The following SLC25A26 variants were observed in gnomAD, a reference collection of about 807,000 sequenced individuals.
SLC25A26 encodes the protein solute carrier family 25 member 26, also known as mitochondrial S-adenosylmethionine carrier protein.
SLC25A26 carries 36 observed loss-of-function variants against 37.8 expected under a neutral mutation model. The ratio of observed to expected loss-of-function variants is 0.95; its 90% confidence interval spans 0.73 to 1.26. SLC25A26 has a LOEUF of 1.26. Ranked by LOEUF, SLC25A26 falls within the 50% of genes most tolerant of loss-of-function variation. The pLI is 0.00. For missense variants in SLC25A26, 390 were observed against 331.1 expected (o/e 1.18, Z -1.38); for synonymous variants, 129 against 122.5 (o/e 1.05, Z -0.35).
At chr3:66,239,092 T>C (rs1348825857) in intron 2 of SLC25A26, among the ~76,000 whole-genome samples, 1 of 152,238 alleles carries the variant, frequency 6.6e-6, no homozygotes, top group East Asian at 1.9e-4. Flanking sequence ...TGCTCGATTG[T>C]CTGATGTCAT....
intron 5 of SLC25A26, chr3:66,324,037 A>C (rs183453234): frequency 2.4e-4 from 37 of 152,330 alleles, no homozygotes; most frequent in African/African-American, 8.4e-4. Context: ...GGAGGGGTGA[A>C]CTGGCCCAGG....
At chr3:66,267,779 C>T (rs2073811110) in intron 5 of SLC25A26, among the ~76,000 whole-genome samples, 1 of 152,150 alleles carries the variant, frequency 6.6e-6, no homozygotes, top group South Asian at 2.1e-4. Context: ...TCTTTAGGTG[C>T]AAAAATCATC....
intron 6 of SLC25A26, among the ~76,000 whole-genome samples, chr3:66,349,845 CT>C (rs1328359240): frequency 6.6e-6 from 1 of 152,136 alleles, no homozygotes; most frequent in Non-Finnish European, 1.5e-5. Flanking sequence ...GTTCTAGTTG[CT>C]CTACATCCAT....
At chr3:66,156,309 T>A (rs146340542) in intron 1 of SLC25A26, among the ~76,000 whole-genome samples, 1 of 152,322 alleles carries the variant, frequency 6.6e-6, no homozygotes, top group African/African-American at 2.4e-5. Flanking sequence ...ATGACAAGGA[T>A]CCTGCCCTCC....
chr3:66,179,090 C>A (rs139420614), intron 1 of SLC25A26, among the ~76,000 whole-genome samples: 89,560 of 152,016 alleles, frequency 0.59, 27,074 homozygotes, highest in African/African-American at 0.7. Context: ...TTAACATTAG[C>A]TTGTTTTAGT....
At chr3:66,256,403 C>T (rs539042039) in intron 3 of SLC25A26, among the ~76,000 whole-genome samples, 1 of 152,048 alleles carries the variant, frequency 6.6e-6, no homozygotes, top group Non-Finnish European at 1.5e-5. Flanking sequence ...TTCTTCCTCA[C>T]TTAAAATCTT....
rs1328762911 is a variant in SLC25A26 at position 66,362,912 on chromosome 3, T to C, written c.551T>C (p.Val184Ala). The C allele has an allele frequency of 4.4e-6, 7 of 1,607,948 alleles. No individual in the cohort carries two copies. In the Admixed American group the frequency reaches 5.0e-5, roughly 12 times the overall value. The change falls in exon 7 of 10, where the codon GTC (valine) becomes GCC (alanine). Residue 184 changes from valine to alanine, a missense_variant. Coordinates refer to ENST00000354883, the MANE Select transcript of SLC25A26 (RefSeq NM_001379210.1). ...DHVVDSWQSA[V>A]CGAFAGGFAA... The stretch of plus-strand genomic sequence containing the variant: ...GTGGTGGATTCTTGGCAGTCAGCAG[T>C]CTGTGGAGCTTTTGCAGGTGCAAAG...
chr3:66,236,473 C>T, intron 1 of SLC25A26, 71 bp from the exon 2 acceptor site: 6 of 1,276,644 alleles, frequency 4.7e-6, no homozygotes, highest in Non-Finnish European at 6.2e-6. Context: ...TATCTTCGCC[C>T]CCAAGTGGCC....
intron 6 of SLC25A26, among the ~76,000 whole-genome samples, chr3:66,355,670 A>G (rs930481829): frequency 6.6e-6 from 1 of 152,202 alleles, no homozygotes; most frequent in African/African-American, 2.4e-5. Flanking sequence ...TCACAGAGAG[A>G]TGGTTCATCT....
intron 1 of SLC25A26, among the ~76,000 whole-genome samples, chr3:66,180,408 C>T (rs927577732): frequency 2.0e-5 from 3 of 152,116 alleles, no homozygotes; most frequent in Admixed American, 6.5e-5. Flanking sequence ...CGCAGAGCAA[C>T]GGAAGTGATT....
At chr3:66,373,758 T>C (rs1700483842) in intron 9 of SLC25A26, among the ~76,000 whole-genome samples, 1 of 152,052 alleles carries the variant, frequency 6.6e-6, no homozygotes, top group East Asian at 1.9e-4. Flanking sequence ...TCGTGGTCCT[T>C]AATTTTATGT....
rs75553077 is a variant in SLC25A26, at chr3:66,357,042, A to G, written c.499-5818A>G. ...AACCTGTATTAAGGAAGCTTTACTT[A>G]AGAAAAATTACCGAAGTGAAACTAA... On this transcript the variant is annotated intron_variant, in intron 6 of 9. Transcript: ENST00000354883. 2.0e-5 allele frequency among the ~76,000 whole-genome samples: 3 copies of G among 152,340 alleles called. No individual in the cohort carries two copies. The East Asian group carries it at 5.8e-4, about 29-fold the overall frequency.
intron 1 of SLC25A26, among the ~76,000 whole-genome samples, chr3:66,143,524 A>G (rs1035472152): frequency 6.6e-6 from 1 of 152,196 alleles, no homozygotes; most frequent in Non-Finnish European, 1.5e-5. Context: ...GAGAAAGGCA[A>G]TAAACAATAA....
chr3:66,162,925 G>A (rs927940891), intron 1 of SLC25A26, among the ~76,000 whole-genome samples: 3 of 152,334 alleles, frequency 2.0e-5, no homozygotes, highest in Non-Finnish European at 2.9e-5. Context: ...AGAGGAACTT[G>A]CTTCATTAAG....
intron 7 of SLC25A26, among the ~76,000 whole-genome samples, chr3:66,365,821 G>T (rs1045414830): frequency 6.6e-6 from 1 of 152,176 alleles, no homozygotes; most frequent in Non-Finnish European, 1.5e-5. Context: ...ACATAAGAGG[G>T]GTATGGTGGT....
At chr3:66,332,284 C>G (rs2075994561) in intron 5 of SLC25A26, among the ~76,000 whole-genome samples, 1 of 152,118 alleles carries the variant, frequency 6.6e-6, no homozygotes, top group Non-Finnish European at 1.5e-5. Flanking sequence ...GTGTTTAGCC[C>G]TTCTTCCAAT....
At chr3:66,334,314 C>CTTTGT (rs373183821) in intron 5 of SLC25A26, among the ~76,000 whole-genome samples, 36 of 151,768 alleles carry the variant, frequency 2.4e-4, no homozygotes, top group African/African-American at 7.3e-4. Flanking sequence ...TTGTTTGTTT[C>CTTTGT]TTTGTTTTGT....
chr3:66,277,996 C>T (rs2074214520), intron 5 of SLC25A26, among the ~76,000 whole-genome samples: 1 of 152,020 alleles, frequency 6.6e-6, no homozygotes, highest in Non-Finnish European at 1.5e-5. Context: ...CAAGTAAATG[C>T]AGTGTAGGAT....
chr3:66,212,841 A>G (rs1157854452), intron 1 of SLC25A26, among the ~76,000 whole-genome samples: 1 of 152,158 alleles, frequency 6.6e-6, no homozygotes, highest in Non-Finnish European at 1.5e-5. Flanking sequence ...AGGGTAAACA[A>G]TACTCTACCA....
Sources: allele counts gnomAD v4.1 joint callset (sites outside exome capture counted in the v4.1 genomes callset), GRCh38; gene constraint gnomAD v4.1.1; transcripts MANE v1.5; gene names NCBI Gene and HGNC (gene_info 2026-07-23, HGNC 2026-07-21).